The following PPM1L variants were observed in gnomAD, a reference collection of about 807,000 sequenced individuals.
PPM1L encodes the protein protein phosphatase 1L.
A neutral mutation model predicts 31.4 loss-of-function variants in PPM1L; 13 were observed. The observed-to-expected ratio is 0.41, with a 90% confidence interval of 0.27 to 0.66. The LOEUF is 0.66. PPM1L is among the 30% of genes least tolerant of loss of function. The pLI, the probability that PPM1L is intolerant of heterozygous loss-of-function variation, is 0.29. For synonymous variants in PPM1L, 184 were observed against 175.4 expected (o/e 1.05, Z -0.39); for missense variants, 326 against 453.7 (o/e 0.72, Z 2.56).
chr3:161,059,865 T>C (rs892978491), intron 2 of PPM1L, among the ~76,000 whole-genome samples: 5 of 152,180 alleles, frequency 3.3e-5, no homozygotes, highest in African/African-American at 1.2e-4. Flanking sequence ...GCTCCAGCTA[T>C]GTGAAGTGCC....
intron 2 of PPM1L, among the ~76,000 whole-genome samples, chr3:160,969,129 G>A (rs550388635): frequency 6.6e-6 from 1 of 152,296 alleles, no homozygotes; most frequent in South Asian, 2.1e-4. Context: ...CTTTCCCAGA[G>A]GAGGTGAGAA....
At chr3:160,944,955 AC>A (rs2108091773) in intron 1 of PPM1L, among the ~76,000 whole-genome samples, 1 of 56,270 alleles carries the variant, frequency 1.8e-5, no homozygotes, top group East Asian at 3.0e-4. Context: ...ACTATATATA[AC>A]TATATAACAT....
intron 1 of PPM1L, chr3:160,842,326 C>T (rs951073755): frequency 2.8e-5 from 20 of 701,756 alleles, no homozygotes; most frequent in Non-Finnish European, 1.6e-5. Context: ...ATAGAGGACT[C>T]ATGATGGGGG....
chr3:160,984,953 G>T (rs1219488045), intron 2 of PPM1L, among the ~76,000 whole-genome samples: 1 of 152,148 alleles, frequency 6.6e-6, no homozygotes, highest in Non-Finnish European at 1.5e-5. Flanking sequence ...ACCCAAGGAT[G>T]CTGCTAAGTA....
intron 1 of PPM1L, among the ~76,000 whole-genome samples, chr3:160,821,190 G>T (rs1160688831): frequency 6.6e-6 from 1 of 151,908 alleles, no homozygotes; most frequent in Non-Finnish European, 1.5e-5. Flanking sequence ...ACCCCTTGGT[G>T]TGTACATGTT....
At chr3:160,993,619 T>G (rs555443408) in intron 2 of PPM1L, among the ~76,000 whole-genome samples, 1 of 152,114 alleles carries the variant, frequency 6.6e-6, no homozygotes, top group Non-Finnish European at 1.5e-5. Flanking sequence ...GCCTCAGCCC[T>G]TAAGAATGTT....
chr3:161,068,049 A>T (rs1410638810), intron 3 of PPM1L, among the ~76,000 whole-genome samples: 1 of 152,250 alleles, frequency 6.6e-6, no homozygotes, highest in African/African-American at 2.4e-5. Flanking sequence ...TCCATGGAGT[A>T]GGTATTTAGT....
At chr3:160,994,553 C>G (rs1375479439) in intron 2 of PPM1L, among the ~76,000 whole-genome samples, 1 of 152,182 alleles carries the variant, frequency 6.6e-6, no homozygotes, top group African/African-American at 2.4e-5. Context: ...CTCCCAAGTT[C>G]CCTAGCTCAG....
intron 2 of PPM1L, among the ~76,000 whole-genome samples, chr3:161,041,662 G>A (rs1459304939): frequency 6.6e-6 from 1 of 151,990 alleles, no homozygotes; most frequent in East Asian, 1.9e-4. Context: ...GCAGGAGAAT[G>A]GTGTGAACCC....
In PPM1L at chr3:160,790,004, T is replaced by C. The variant is rs558204114; in HGVS notation, c.399+33297T>C. 7.2e-5 allele frequency among the ~76,000 whole-genome samples: 11 copies of C among 152,304 alleles called. 1 individual carries two copies. Among genetic ancestry groups the C allele is most frequent in the Admixed American group, 4.6e-4 (7 of 15,278 alleles). On this transcript the variant is annotated intron_variant, in intron 1 of 3. Transcript: ENST00000498165. Reference sequence around the variant, plus strand: ...ATTACTTATAATACCTAATACAGTATAAATTATATGTAAATAGTTGTTATA... The same window carrying C: ...ATTACTTATAATACCTAATACAGTACAAATTATATGTAAATAGTTGTTATA...
chr3:160,786,696 G>T (rs749418287), intron 1 of PPM1L, among the ~76,000 whole-genome samples: 2 of 151,752 alleles, frequency 1.3e-5, no homozygotes, highest in Non-Finnish European at 2.9e-5. Flanking sequence ...CCATCACCCA[G>T]GTAGTGAGCA....
chr3:160,905,527 T>C (rs574454291), intron 1 of PPM1L, among the ~76,000 whole-genome samples: 33 of 152,332 alleles, frequency 2.2e-4, no homozygotes, highest in Admixed American at 1.2e-3. Context: ...CAGTAAGTTT[T>C]AGGTCTAGGA....
At chr3:160,915,821 T>C (rs1352404358) in intron 1 of PPM1L, among the ~76,000 whole-genome samples, 1 of 152,222 alleles carries the variant, frequency 6.6e-6, no homozygotes, top group African/African-American at 2.4e-5. Flanking sequence ...TGATTCCCTA[T>C]TTAATAAATG....
At chr3:160,878,564 A>G (rs148018988) in intron 1 of PPM1L, among the ~76,000 whole-genome samples, 26 of 152,280 alleles carry the variant, frequency 1.7e-4, no homozygotes, top group African/African-American at 6.3e-4. Context: ...TTGTGACCTC[A>G]TCTAAACCTA....
chr3:160,782,401 A>C (rs932168120), intron 1 of PPM1L, among the ~76,000 whole-genome samples: 2 of 152,228 alleles, frequency 1.3e-5, no homozygotes, highest in Non-Finnish European at 2.9e-5. Context: ...CACTTGTGAA[A>C]GTTTCAGTGC....
chr3:160,756,440 G>C lies in PPM1L; in HGVS notation c.132G>C (p.Glu44Asp). ...GGAGTTACTTCTTCCACACCGACGA[G>C]GTGAAGACCATCGTGAAGTCCAGCC... ...ALWSYFFHTD[E>D]VKTIVKSSRD... The change falls in exon 1 of 4, where the codon GAG (glutamate) becomes GAC (aspartate). Residue 44 changes from glutamate (E) to aspartate (D), a missense_variant. Physicochemically the swap from Glu to Asp is conservative, Grantham distance 45. Around this residue, in one of 3 missense-constraint regions of PPM1L, gnomAD observed 42 missense variants for 76.1 expected, o/e 0.55. Coordinates refer to ENST00000498165, the MANE Select transcript of PPM1L (RefSeq NM_139245.4). The surrounding 1 kb of genome is among the most constrained non-coding windows in gnomAD (Gnocchi z 6.2). 1.2e-6 allele frequency: 2 copies of C among 1,614,244 alleles called. No homozygotes were observed. The highest frequency in any genetic ancestry group is 1.7e-6 in the Non-Finnish European group (2 of 1,180,048).
At chr3:160,976,188 A>G (rs202060937) in intron 2 of PPM1L, among the ~76,000 whole-genome samples, 21,513 of 92,146 alleles carry the variant, frequency 0.23, 2,292 homozygotes, top group East Asian at 0.49. Flanking sequence ...ATTGATTTGC[A>G]TATATTGAAC....
chr3:160,830,986 T>A (rs1441687517), intron 1 of PPM1L, among the ~76,000 whole-genome samples: 9 of 152,176 alleles, frequency 5.9e-5, no homozygotes, highest in Non-Finnish European at 1.3e-4. Flanking sequence ...GGGATGGAAT[T>A]CAGCTGAACA....
intron 1 of PPM1L, among the ~76,000 whole-genome samples, chr3:160,890,007 G>C (rs2108045144): frequency 6.6e-6 from 1 of 152,152 alleles, no homozygotes; most frequent in East Asian, 1.9e-4. Context: ...AAAATAATAA[G>C]AGCAATTTAT....
Sources: gnomAD v4.1 joint callset for allele counts (sites outside exome capture counted in the v4.1 genomes callset) on GRCh38, gnomAD v4.1.1 for gene constraint, gnomAD v4.1.1 regional missense constraint, Gnocchi (gnomAD v3.1) non-coding constraint, MANE v1.5 for transcripts, NCBI Gene and HGNC (gene_info 2026-07-23, HGNC 2026-07-21) for gene names.